ZNF676: variants seen among roughly 807,000 people sequenced by gnomAD.
ZNF676 encodes zinc finger protein 676.
A neutral mutation model predicts 6.0 loss-of-function variants in ZNF676; 4 were observed. The observed-to-expected ratio is 0.67, with a 90% CI of 0.33 to 1.53. The LOEUF (loss-of-function observed/expected upper bound fraction) is 1.53, where lower values mean the gene tolerates loss of function less well. Among genes scored for constraint, ZNF676 ranks in the 40% most tolerant of loss-of-function variants. ZNF676 has a pLI of 0.06. For synonymous variants in ZNF676, 198 were observed against 223.1 expected, an observed-to-expected ratio of 0.89 and a Z score of 1.00; for missense variants, 644 against 679.7, an observed-to-expected ratio of 0.95 and a Z score of 0.58.
chr19:22,251,889 TA>T, the ZNF676 span, among the ~76,000 whole-genome samples: 1 of 152,220 alleles, frequency 6.6e-6, no homozygotes, highest in Non-Finnish European at 1.5e-5. Flanking sequence ...TGCCCTTATT[TA>T]GTTTACTTGG....
chr19:22,193,187 G>A (rs2023930479), intron 1 of ZNF676, 76 bp from the exon 2 acceptor site: 1 of 1,404,540 alleles, frequency 7.1e-7, no homozygotes, highest in Admixed American at 2.4e-5. Context: ...GCTCAGTAAA[G>A]AGGATGTAAT....
the ZNF676 span, among the ~76,000 whole-genome samples, chr19:22,233,041 A>T: frequency 6.6e-6 from 1 of 152,228 alleles, no homozygotes; most frequent in East Asian, 1.9e-4. Context: ...AACTCATTAC[A>T]AATCTACAAA....
chr19:22,201,474 A>G (rs538942067), upstream of ZNF676, among the ~76,000 whole-genome samples: 1 of 152,312 alleles, frequency 6.6e-6, no homozygotes, highest in Non-Finnish European at 1.5e-5. Context: ...CTTATTTACA[A>G]ATTCTAGGTG....
rs551595903 is a variant in ZNF676 at position 22,206,400 on chromosome 19, C to T, written c.3+9232G>A. Among the ~76,000 whole-genome samples the T allele has an allele frequency of 2.0e-5, 3 of 152,180 alleles. No individual in the cohort carries two copies. In the East Asian group the frequency reaches 5.8e-4, roughly 29 times the overall value. On this transcript the variant is annotated intron_variant, in intron 1 of 3. Transcript: ENST00000650058. Reference sequence around the variant, plus strand: ...AAAATCTTCAACAAACAGCTGGGCCCGGTGGCTCATGCCTGTAATCGCAGC... The same window carrying T: ...AAAATCTTCAACAAACAGCTGGGCCTGGTGGCTCATGCCTGTAATCGCAGC...
At chr19:22,188,153 G>C (rs1236095668) in intron 2 of ZNF676, among the ~76,000 whole-genome samples, 2 of 151,974 alleles carry the variant, frequency 1.3e-5, no homozygotes, top group East Asian at 3.9e-4. Context: ...ACATCAAAAA[G>C]CTTATCCACC....
At chr19:22,258,829 G>A in the ZNF676 span, among the ~76,000 whole-genome samples, 1 of 152,190 alleles carries the variant, frequency 6.6e-6, no homozygotes, top group Non-Finnish European at 1.5e-5. Context: ...GCCCAGGCAG[G>A]AGAGTCAAAT....
chr19:22,205,453 GCA>G (rs1252575665), intron 1 of ZNF676, among the ~76,000 whole-genome samples: 1 of 151,864 alleles, frequency 6.6e-6, no homozygotes, highest in Non-Finnish European at 1.5e-5. Flanking sequence ...ACGATACAAG[GCA>G]CACACACAGT....
intron 1 of ZNF676, chr19:22,215,599 ACTCT>A (rs1480042162): frequency 3.7e-6 from 6 of 1,608,134 alleles, no homozygotes; most frequent in Non-Finnish European, 4.2e-6. Flanking sequence ...AGCCCAGGCC[ACTCT>A]CTCAGTGTGT....
At chr19:22,253,973 G>C in the ZNF676 span, among the ~76,000 whole-genome samples, 1 of 152,160 alleles carries the variant, frequency 6.6e-6, no homozygotes, top group Non-Finnish European at 1.5e-5. Context: ...GTCTGGTTAT[G>C]GGAGACAGTA....
chr19:22,221,215 A>G, the ZNF676 span, among the ~76,000 whole-genome samples: 17 of 152,158 alleles, frequency 1.1e-4, no homozygotes, highest in East Asian at 2.7e-3. Flanking sequence ...ATTTAATGCT[A>G]TGAACTTTCC....
intron 1 of ZNF676, among the ~76,000 whole-genome samples, chr19:22,214,490 T>C (rs568680203): frequency 6.6e-6 from 1 of 151,284 alleles, no homozygotes; most frequent in Admixed American, 6.6e-5. Context: ...TCCCAGCTAC[T>C]TGGGAGGCTG....
chr19:22,206,010 A>T (rs1453898186), intron 1 of ZNF676, among the ~76,000 whole-genome samples: 1 of 151,868 alleles, frequency 6.6e-6, no homozygotes, highest in Non-Finnish European at 1.5e-5. Flanking sequence ...ATAAAAAAAA[A>T]ACTAGAATAA....
intron 1 of ZNF676, among the ~76,000 whole-genome samples, chr19:22,205,113 A>G (rs1372055987): frequency 6.6e-6 from 1 of 152,146 alleles, no homozygotes; most frequent in Non-Finnish European, 1.5e-5. Flanking sequence ...GGAAAAGCAG[A>G]AGAGAGAAAA....
intron 2 of ZNF676, among the ~76,000 whole-genome samples, chr19:22,183,170 A>G (rs1447832773): frequency 6.6e-6 from 1 of 152,180 alleles, no homozygotes; most frequent in East Asian, 1.9e-4. Context: ...AAGCATATCA[A>G]TACGAAAACC....
At chr19:22,182,120 G>A (rs1249943252) in intron 2 of ZNF676, among the ~76,000 whole-genome samples, 1 of 152,048 alleles carries the variant, frequency 6.6e-6, no homozygotes, top group Non-Finnish European at 1.5e-5. Context: ...GCACTGCAGT[G>A]CCACAGAGAG....
the ZNF676 span, among the ~76,000 whole-genome samples, chr19:22,235,290 G>A: frequency 6.6e-6 from 1 of 152,294 alleles, no homozygotes; most frequent in East Asian, 1.9e-4. Context: ...TGGCCCAAGT[G>A]GCAGAGCAGC....
At chr19:22,256,621 C>T in the ZNF676 span, among the ~76,000 whole-genome samples, 3 of 152,056 alleles carry the variant, frequency 2.0e-5, no homozygotes, top group Admixed American at 6.6e-5. Context: ...GTGAGCAGGA[C>T]GCATGCATGT....
In ZNF676 at chr19:22,180,106, T is replaced by G; in HGVS notation, c.1611A>C (p.Glu537Asp). 1 of 1,613,952 alleles carries G rather than the reference T, an allele frequency of 6.2e-7. No homozygotes were observed. The highest frequency in any genetic ancestry group is 1.7e-5 in the Admixed American group (1 of 60,016). Reference protein sequence around the residue: ...HTGEKPYKCEECGKAFSRSSS... With the variant: ...HTGEKPYKCEDCGKAFSRSSS... The stretch of plus-strand genomic sequence containing the variant: ...AGGATCTGCTGAAGGCTTTGCCACA[T>G]TCTTCACATTTGTAGGGTTTCTCTC... The change falls in exon 3 of 3, where the codon GAA becomes GAC. Residue 537 changes from glutamate (E) to aspartate (D), a missense_variant. By Grantham distance (45) the Glu-to-Asp change is conservative. This residue lies in a region of ZNF676 where 306 missense variants were observed against 265.4 expected (regional missense o/e 1.15). Transcript: ENST00000397121.
At chr19:22,242,531 C>T in the ZNF676 span, among the ~76,000 whole-genome samples, 4 of 151,854 alleles carry the variant, frequency 2.6e-5, no homozygotes, top group Non-Finnish European at 4.4e-5. Flanking sequence ...TTGGAGCCCA[C>T]GATATGTCAA....
Sources: allele counts gnomAD v4.1 joint callset (sites outside exome capture counted in the v4.1 genomes callset), GRCh38; gene constraint gnomAD v4.1.1; regional missense constraint gnomAD v4.1.1; transcripts MANE v1.5; gene names NCBI Gene and HGNC (gene_info 2026-07-23, HGNC 2026-07-21).